The following TBX4 variants were observed in gnomAD, a reference collection of about 807,000 sequenced individuals.
TBX4 encodes the protein T-box transcription factor TBX4.
A neutral mutation model predicts 54.6 loss-of-function variants in TBX4; 13 were observed. The ratio of observed to expected loss-of-function variants is 0.24; its 90% CI spans 0.15 to 0.38. The LOEUF is 0.38. TBX4 is among the 10% of genes least tolerant of loss of function. TBX4 has a pLI of 1.00. For missense variants in TBX4, 631 were observed against 728.5 expected (o/e 0.87, Z 1.54); for synonymous variants, 314 against 306.7 (o/e 1.02, Z -0.25).
intron 2 of TBX4, 125 bp downstream of exon 2, chr17:61,456,801 C>T: frequency 5.6e-6 from 4 of 711,468 alleles, no homozygotes; most frequent in Non-Finnish European, 7.8e-6. Context: ...GCATTCAGGA[C>T]GGTCTGCCCG....
In TBX4 at chr17:61,461,892, G is replaced by C. The variant is rs2060496435; in HGVS notation, c.282-3927G>C. Among the ~76,000 whole-genome samples the C allele has an allele frequency of 6.6e-6, 1 of 152,018 alleles. No homozygotes were observed. Among genetic ancestry groups the C allele is most frequent in the African/African-American group, 2.4e-5 (1 of 41,378 alleles). On this transcript the variant is annotated intron_variant, in intron 3 of 8. Coordinates refer to ENST00000644296, the MANE Select transcript of TBX4 (RefSeq NM_001321120.2). The surrounding 1 kb of genome is among the most constrained non-coding windows in gnomAD (Gnocchi z 5.1). Reference sequence around the variant, plus strand: ...CTCCGAGAAAGTCGGGGCTGCAGCGGGGTTGGGGCTTGGGGGACCCTCCAG... The same window carrying C: ...CTCCGAGAAAGTCGGGGCTGCAGCGCGGTTGGGGCTTGGGGGACCCTCCAG...
chr17:61,483,492 T>C lies in TBX4; in HGVS notation c.1617T>C (p.Thr539=), dbSNP rs753391567. 6 of 1,614,194 alleles carry C rather than the reference T, an allele frequency of 3.7e-6. No homozygotes were observed. The highest frequency in any genetic ancestry group is 5.1e-6 in the Non-Finnish European group (6 of 1,180,030). Residue 539 remains threonine, a synonymous_variant, in exon 9 of 9, where the codon ACT becomes ACC. Transcript: ENST00000644296. The surrounding 1 kb of genome is among the most constrained non-coding windows in gnomAD (Gnocchi z 6.6). Reference sequence around the variant, plus strand: ...TACAGTACCATTCAGGAATGGGGACTGTGGAGAACTGGACTGACGGATGAC... The same window carrying C: ...TACAGTACCATTCAGGAATGGGGACCGTGGAGAACTGGACTGACGGATGAC... The part of the protein sequence containing the change: ...SSLQYHSGMG[T]VENWTDG
At chr17:61,471,959 G>A (rs1470224009) in intron 5 of TBX4, among the ~76,000 whole-genome samples, 2 of 131,950 alleles carry the variant, frequency 1.5e-5, no homozygotes, top group Non-Finnish European at 3.1e-5. Flanking sequence ...GATCAGACTA[G>A]TCTCAAACTC....
chr17:61,479,694 G>A lies in TBX4; in HGVS notation c.703-187G>A, dbSNP rs1328579289. On this transcript the variant is annotated intron_variant, in intron 6 of 8. Transcript: ENST00000644296. This position sits in a 1 kb window ranked among gnomAD's most constrained non-coding sequence, Gnocchi z 6.1. ...AGTTCTGCCTGTGCCTGGGGTTGGGGAGGAGGGAAGGCCAGAGGCCAGTCC... is the reference window on the plus strand; with the variant it reads ...AGTTCTGCCTGTGCCTGGGGTTGGGAAGGAGGGAAGGCCAGAGGCCAGTCC... Among the ~76,000 whole-genome samples, 1 of 152,164 alleles carries A rather than the reference G, an allele frequency of 6.6e-6. No individual in the cohort carries two copies. The highest frequency in any genetic ancestry group is 1.9e-4 in the East Asian group (1 of 5,182).
In TBX4 at chr17:61,474,702, G is replaced by A. The variant is rs987938752; in HGVS notation, c.550-3925G>A. ...CCAGTCATGTAGTGGGGTTGTTGACGTGGCTGGCCCATTTGGCCCCATATC... is the reference window on the plus strand; with the variant it reads ...CCAGTCATGTAGTGGGGTTGTTGACATGGCTGGCCCATTTGGCCCCATATC... On this transcript the variant is annotated intron_variant, in intron 5 of 8. Transcript: ENST00000644296. This position sits in a 1 kb window ranked among gnomAD's most constrained non-coding sequence, Gnocchi z 4.6. Among the ~76,000 whole-genome samples, 15 of 152,222 alleles carry A rather than the reference G, an allele frequency of 9.9e-5. No homozygotes were observed. The highest frequency in any genetic ancestry group is 6.2e-4 in the South Asian group (3 of 4,830).
In TBX4 at chr17:61,476,380, A is replaced by G. The variant is rs573309932; in HGVS notation, c.550-2247A>G. On this transcript the variant is annotated intron_variant, in intron 5 of 8. Coordinates refer to ENST00000644296, the MANE Select transcript of TBX4 (RefSeq NM_001321120.2). The surrounding 1 kb of genome is among the most constrained non-coding windows in gnomAD (Gnocchi z 6.5). The stretch of plus-strand genomic sequence containing the variant: ...GAGGGACCTGCATGTGCAAAGGTGC[A>G]CAGGTAGGAACTGGGCATTCCTGGA... Among the ~76,000 whole-genome samples the G allele has an allele frequency of 2.5e-4, 38 of 152,362 alleles. No homozygotes were observed. Among genetic ancestry groups the G allele is most frequent in the African/African-American group, 8.9e-4 (37 of 41,588 alleles).
At position 61,465,715 on chromosome 17, in the gene TBX4, A is replaced by G; in HGVS notation, c.282-104A>G. 1 of 1,493,222 alleles carries G rather than the reference A, an allele frequency of 6.7e-7. No homozygotes were observed. The allele number at this position is 1,493,222 out of a possible 1,614,324, so 92.5% of individuals were successfully genotyped here. The stretch of plus-strand genomic sequence containing the variant: ...GTGACCAATGCCAGGATCGCTGGCC[A>G]AAAGGGCAGCATCTGTTAGCGGCCT... On this transcript the variant is annotated intron_variant, in intron 3 of 8. Transcript: ENST00000644296. This position sits in a 1 kb window ranked among gnomAD's most constrained non-coding sequence, Gnocchi z 4.9.
intron 3 of TBX4, chr17:61,463,179 C>T (rs2060510656): frequency 6.6e-6 from 1 of 152,394 alleles, no homozygotes. Context: ...AAGCAGTCCC[C>T]CAACTAGACC....
chr17:61,467,398 C>T lies in TBX4; in HGVS notation c.402-112C>T. The T allele has an allele frequency of 8.0e-6, 10 of 1,250,220 alleles. No homozygotes were observed. In the South Asian group the frequency reaches 1.3e-4, roughly 16 times the overall value. The allele number at this position is 1,250,220 out of a possible 1,614,324, so 77.4% of individuals were successfully genotyped here. A position where few individuals can be genotyped will look rare whatever the true frequency, so the allele number is the denominator to read the frequency against. On this transcript the variant is annotated intron_variant, in intron 4 of 8. Coordinates refer to ENST00000644296, the MANE Select transcript of TBX4 (RefSeq NM_001321120.2). ...GTACTAATTTGACAATGTGGTGGGA[C>T]CAGCAGCTATTTTTTCCTCTGGTCA...
chr17:61,473,749 G>C (rs376063958), intron 5 of TBX4, among the ~76,000 whole-genome samples: 1 of 152,220 alleles, frequency 6.6e-6, no homozygotes, highest in African/African-American at 2.4e-5. Context: ...TAAAATAAGG[G>C]CAATAATAAT....
chr17:61,470,803 C>T (rs1447307280), intron 5 of TBX4, among the ~76,000 whole-genome samples: 2 of 152,238 alleles, frequency 1.3e-5, no homozygotes, highest in Non-Finnish European at 2.9e-5. Flanking sequence ...ACCTCCCACG[C>T]CCAGCAGGGT....
intron 1 of TBX4, chr17:61,452,984 A>AT: frequency 1.0e-6 from 1 of 985,434 alleles, no homozygotes; most frequent in Non-Finnish European, 1.2e-6. Flanking sequence ...ATCCGTGTAG[A>AT]TATGTGAGTG....
Position 61,478,659 on chromosome 17 carries a change from G to A in TBX4, c.582G>A (p.Pro194=), listed in dbSNP as rs370177908. ...IILNSMHKYQ[P]RLHIVKADEN... ...TCAACTCTATGCACAAGTACCAGCC[G>A]CGGCTCCACATCGTTAAGGCTGATG... The change falls in exon 6 of 9, where the codon CCG becomes CCA. Residue 194 remains proline, a synonymous_variant. Coordinates refer to ENST00000644296, the MANE Select transcript of TBX4 (RefSeq NM_001321120.2). The surrounding 1 kb of genome is among the most constrained non-coding windows in gnomAD (Gnocchi z 7.4). 1.1e-5 allele frequency: 18 copies of A among 1,614,208 alleles called. No homozygotes were observed. The highest frequency in any genetic ancestry group is 3.3e-4 in the Middle Eastern group (2 of 6,062).
intron 4 of TBX4, 68 bp from the exon 5 acceptor site, chr17:61,467,442 A>C: frequency 3.1e-6 from 5 of 1,602,620 alleles, no homozygotes; most frequent in Non-Finnish European, 3.4e-6. Context: ...TTGCTCCAAG[A>C]GGGGACGGGG....
Position 61,462,118 on chromosome 17 carries a change from T to TGCCCCGC in TBX4, c.282-3691_282-3685dup, listed in dbSNP as rs1490245230. Among the ~76,000 whole-genome samples the TGCCCCGC allele has an allele frequency of 6.6e-6, 1 of 152,134 alleles. No individual in the cohort carries two copies. Among genetic ancestry groups the TGCCCCGC allele is most frequent in the African/African-American group, 2.4e-5 (1 of 41,440 alleles). The stretch of plus-strand genomic sequence containing the variant: ...CAGAATTAAAAAAGCCCCAAACCCT[T>TGCCCCGC]GCCCCGCGCCCCGCGCGCCTCCAAC... On this transcript the variant is annotated intron_variant, in intron 3 of 8. Coordinates refer to ENST00000644296, the MANE Select transcript of TBX4 (RefSeq NM_001321120.2). The surrounding 1 kb of genome is among the most constrained non-coding windows in gnomAD (Gnocchi z 4.5).
At chr17:61,467,398 C>A in intron 4 of TBX4, 112 bp from the exon 5 acceptor site, 1 of 1,250,218 alleles carries the variant, frequency 8.0e-7, no homozygotes, top group Non-Finnish European at 1.2e-6. Flanking sequence ...TGTGGTGGGA[C>A]CAGCAGCTAT....
rs1481680439 is a variant in TBX4 at position 61,480,405 on chromosome 17, C to CA, written c.1021+88dup. The CA allele has an allele frequency of 4.0e-6, 4 of 993,308 alleles. No individual in the cohort carries two copies. Among genetic ancestry groups the CA allele is most frequent in the Non-Finnish European group, 6.1e-6 (4 of 659,270 alleles). 61.5% of individuals were successfully genotyped at this position (993,308 alleles called of 1,614,324 possible). ...AACCACTCTGCAGCGCCCCCCCCCC[C>CA]AACACACACACACTCATCTCGTGCT... On this transcript the variant is annotated intron_variant, in intron 8 of 8. Transcript: ENST00000644296. This position sits in a 1 kb window ranked among gnomAD's most constrained non-coding sequence, Gnocchi z 6.2.
In TBX4 at chr17:61,478,999, C is replaced by T. The variant is rs776291926; in HGVS notation, c.702+220C>T. ...GTCCATCTCCAGCACAGAGGAATTA[C>T]GGTCTCTGTGTTTTGGGGAATGGAG... On this transcript the variant is annotated intron_variant, in intron 6 of 8. Transcript: ENST00000644296. This position sits in a 1 kb window ranked among gnomAD's most constrained non-coding sequence, Gnocchi z 7.4. Among the ~76,000 whole-genome samples, 33 of 152,370 alleles carry T rather than the reference C, an allele frequency of 2.2e-4. No individual in the cohort carries two copies. Among genetic ancestry groups the T allele is most frequent in the South Asian group, 8.3e-4 (4 of 4,828 alleles).
Position 61,456,513 on chromosome 17 carries a change from C to T in TBX4, c.23C>T (p.Ser8Phe), listed in dbSNP as rs776660359. The T allele has an allele frequency of 4.3e-5, 68 of 1,568,234 alleles. No homozygotes were observed. Among genetic ancestry groups the T allele is most frequent in the Non-Finnish European group, 5.7e-5 (66 of 1,157,296 alleles). The change falls in exon 2 of 9, where the codon TCC becomes TTC. Residue 8 changes from serine to phenylalanine, a missense_variant. Ser to Phe is a radical substitution (Grantham distance 155, BLOSUM62 -2). This residue lies in a region of TBX4 where 123 missense variants were observed against 120.9 expected (regional missense o/e 1.02). Transcript: ENST00000644296. Reference protein sequence around the residue: MLQDKGLSESEEAFRAPG... With the variant: MLQDKGLFESEEAFRAPG... ...GAGATGCTGCAGGATAAGGGCCTGT[C>T]CGAGAGCGAGGAGGCCTTCCGGGCC...
Sources: gnomAD v4.1 joint callset for allele counts (sites outside exome capture counted in the v4.1 genomes callset) on GRCh38, gnomAD v4.1.1 for gene constraint, gnomAD v4.1.1 regional missense constraint, Gnocchi (gnomAD v3.1) non-coding constraint, MANE v1.5 for transcripts, NCBI Gene and HGNC (gene_info 2026-07-23, HGNC 2026-07-21) for gene names.